The following ARID4B variants were observed in gnomAD, a reference collection of about 807,000 sequenced individuals.
The protein encoded by ARID4B is AT-rich interaction domain 4B, also known as AT-rich interactive domain-containing protein 4B.
A neutral mutation model predicts 147.5 loss-of-function variants in ARID4B; 26 were observed. That is an observed-to-expected ratio of 0.18 (90% CI 0.13 to 0.24). The LOEUF (loss-of-function observed/expected upper bound fraction) is 0.24, where lower values mean the gene tolerates loss of function less well. Ranked by LOEUF, ARID4B falls within the 10% of genes least tolerant of loss-of-function variation. The pLI, the probability that ARID4B is intolerant of heterozygous loss-of-function variation, is 1.00. For synonymous variants in ARID4B, 512 were observed against 507.9 expected (o/e 1.01, Z -0.11); for missense variants, 1,179 against 1,511.5 (o/e 0.78, Z 3.65).
intron 12 of ARID4B, 93 bp from the exon 13 acceptor site, chr1:235,223,353 T>TTATATATATACACGTATATA: frequency 7.8e-6 from 2 of 256,614 alleles, no homozygotes; most frequent in Non-Finnish European, 1.3e-5. Flanking sequence ...TTATAGTATT[T>TTATATATATACACGTATATA]TATATATATA....
intron 22 of ARID4B, among the ~76,000 whole-genome samples, chr1:235,173,035 T>TAAA (rs557671881): frequency 2.0e-5 from 3 of 151,982 alleles, no homozygotes; most frequent in Non-Finnish European, 4.4e-5. Context: ...ATTACCACAG[T>TAAA]AAAAAATCAC....
chr1:235,274,305 G>A (rs771492710), intron 2 of ARID4B, among the ~76,000 whole-genome samples: 60 of 152,098 alleles, frequency 3.9e-4, no homozygotes, highest in African/African-American at 1.4e-3. Context: ...AGCCCGGGAG[G>A]TGGAGGTTGC....
intron 21 of ARID4B, chr1:235,176,873 G>A (rs1663922295): frequency 2.1e-6 from 1 of 470,938 alleles, no homozygotes; most frequent in African/African-American, 2.0e-5. Flanking sequence ...GGAGTCTCCT[G>A]GAAGAGCAGC....
At chr1:235,322,604 C>G (rs951431417) in intron 2 of ARID4B, among the ~76,000 whole-genome samples, 3 of 152,192 alleles carry the variant, frequency 2.0e-5, no homozygotes, top group Non-Finnish European at 4.4e-5. Flanking sequence ...CCTCTCATAG[C>G]ATTTCCTACA....
intron 8 of ARID4B, among the ~76,000 whole-genome samples, chr1:235,235,455 G>A (rs1023620546): frequency 2.6e-5 from 4 of 152,162 alleles, no homozygotes; most frequent in African/African-American, 4.8e-5. Flanking sequence ...GAAGGATTTC[G>A]AAAACTGCAC....
chr1:235,309,571 G>A (rs1390059480), intron 2 of ARID4B, among the ~76,000 whole-genome samples: 15 of 147,878 alleles, frequency 1.0e-4, no homozygotes, highest in African/African-American at 3.2e-4. Flanking sequence ...CCCCCCGCCC[G>A]GTCAGCCGCC....
At chr1:235,246,303 G>A (rs894941351) in intron 7 of ARID4B, 117 bp downstream of exon 7, 9 of 790,400 alleles carry the variant, frequency 1.1e-5, no homozygotes, top group African/African-American at 5.2e-5. Flanking sequence ...TATTAGATCC[G>A]AAATTACTAT....
At chr1:235,198,695 G>A (rs958872509) in intron 17 of ARID4B, among the ~76,000 whole-genome samples, 3 of 152,094 alleles carry the variant, frequency 2.0e-5, no homozygotes, top group African/African-American at 7.3e-5. Context: ...AAGTGTGTTG[G>A]AGCAGGCAGG....
intron 2 of ARID4B, among the ~76,000 whole-genome samples, chr1:235,297,293 AAAAG>A (rs924212499): frequency 4.6e-5 from 7 of 152,172 alleles, no homozygotes; most frequent in Non-Finnish European, 8.8e-5. Flanking sequence ...TAAAAATAAT[AAAAG>A]AAAGAAGAAA....
In ARID4B at chr1:235,219,680, T is replaced by G. The variant is rs1667312680; in HGVS notation, c.1583+113A>C. ...TTTAATTAATAAATGCCAATCACTC[T>G]ATTATTTAATATTTTGTCAATTAAT... is the stretch of plus-strand genomic sequence containing the variant. On this transcript the variant is annotated intron_variant, in intron 16 of 23. Transcript: ENST00000264183. The G allele has an allele frequency of 3.6e-6, 3 of 832,924 alleles. No homozygotes were observed. In the East Asian group the frequency reaches 8.6e-5, roughly 24 times the overall value. The allele number at this position is 832,924 out of a possible 1,614,324, so 51.6% of individuals were successfully genotyped here.
chr1:235,305,686 C>T (rs1024597128), intron 2 of ARID4B, among the ~76,000 whole-genome samples: 4 of 152,164 alleles, frequency 2.6e-5, no homozygotes, highest in Admixed American at 6.5e-5. Context: ...GGGCCAGGCA[C>T]GGGGACTCAC....
intron 8 of ARID4B, among the ~76,000 whole-genome samples, chr1:235,236,862 ATTTTTTTTTTTTTT>A (rs869157061): frequency 5.7e-5 from 1 of 17,490 alleles, no homozygotes; most frequent in Non-Finnish European, 9.4e-5. Context: ...ATATATATAT[ATTTTTTTTTTTTTT>A]TTTTTTTTTT....
intron 7 of ARID4B, among the ~76,000 whole-genome samples, chr1:235,241,753 G>A (rs1409763400): frequency 2.0e-5 from 3 of 151,838 alleles, no homozygotes; most frequent in Non-Finnish European, 4.4e-5. Context: ...TCCTGACCTC[G>A]TGATCCGCCC....
Position 235,317,722 on chromosome 1 carries a change from C to T in ARID4B, c.6+9192G>A, listed in dbSNP as rs1404508423. On this transcript the variant is annotated intron_variant, in intron 2 of 23. Coordinates refer to ENST00000264183, the MANE Select transcript of ARID4B (RefSeq NM_016374.6). ...ACGGAAACCTTGAATACCAGAGTTT[C>T]CTGTACTCCTAAGAGATCCAAAGAG... Among the ~76,000 whole-genome samples, 4 of 152,256 alleles carry T rather than the reference C, an allele frequency of 2.6e-5. No individual in the cohort carries two copies. In the South Asian group the frequency reaches 8.3e-4, roughly 32 times the overall value.
intron 11 of ARID4B, chr1:235,229,030 A>C (rs941724298): frequency 2.7e-5 from 16 of 584,306 alleles, no homozygotes; most frequent in Non-Finnish European, 4.5e-5. Flanking sequence ...AATCAGGCTT[A>C]ATATTTTCTA....
At chr1:235,318,724 T>C (rs1044426924) in intron 2 of ARID4B, among the ~76,000 whole-genome samples, 1 of 151,896 alleles carries the variant, frequency 6.6e-6, no homozygotes, top group Admixed American at 6.6e-5. Context: ...CTACAAAAAA[T>C]TCCAAAATTT....
At chr1:235,220,622 C>T (rs1425622955) in intron 14 of ARID4B, 77 bp from the exon 15 acceptor site, 2 of 1,142,294 alleles carry the variant, frequency 1.8e-6, no homozygotes, top group Non-Finnish European at 2.4e-6. Context: ...AATGTGTATT[C>T]ATTTCTTTTG....
intron 16 of ARID4B, among the ~76,000 whole-genome samples, 170 bp downstream of exon 16, chr1:235,219,623 A>G (rs965485930): frequency 1.3e-4 from 20 of 152,204 alleles, no homozygotes; most frequent in Admixed American, 1.1e-3. Flanking sequence ...ACAAATTTCT[A>G]TCAGTAGGGT....
intron 18 of ARID4B, among the ~76,000 whole-genome samples, chr1:235,195,073 A>G (rs1043500198): frequency 6.6e-6 from 1 of 152,172 alleles, no homozygotes; most frequent in African/African-American, 2.4e-5. Context: ...TATAGGAAAA[A>G]TAAGCTCTCT....
Sources: allele counts gnomAD v4.1 joint callset (sites outside exome capture counted in the v4.1 genomes callset), GRCh38; gene constraint gnomAD v4.1.1; transcripts MANE v1.5; gene names NCBI Gene and HGNC (gene_info 2026-07-23, HGNC 2026-07-21).